GAS2: variants seen among roughly 807,000 people sequenced by gnomAD.
The protein encoded by GAS2 is growth arrest specific 2.
In GAS2, 20 loss-of-function variants were observed where a neutral mutation model predicts 37.5. The ratio of observed to expected loss-of-function variants is 0.53; its 90% CI spans 0.37 to 0.77. The LOEUF is 0.77. Among genes scored for constraint, GAS2 ranks in the 30% least tolerant of loss-of-function variants. The probability of loss-of-function intolerance (pLI) is 0.00; values close to 1 mark genes in which losing one functional copy is unlikely to be tolerated. For missense variants in GAS2, 336 were observed against 373.4 expected, an observed-to-expected ratio of 0.90 and a Z score of 0.82; for synonymous variants, 144 against 132.2, an observed-to-expected ratio of 1.09 and a Z score of -0.61.
chr11:22,807,060 T>G (rs16910190), intron 7 of GAS2, among the ~76,000 whole-genome samples: 22,274 of 152,142 alleles, frequency 0.15, 1,720 homozygotes, highest in Non-Finnish European at 0.16. Flanking sequence ...AAGGCAATAG[T>G]GTATTTATGT....
intron 5 of GAS2, among the ~76,000 whole-genome samples, chr11:22,745,037 A>G (rs1853303642): frequency 1.3e-5 from 2 of 151,112 alleles, no homozygotes; most frequent in Non-Finnish European, 2.9e-5. Flanking sequence ...AGCAATCTAT[A>G]AATTCCACAC....
At chr11:22,689,876 C>G (rs536041972) in intron 3 of GAS2, among the ~76,000 whole-genome samples, 1 of 152,266 alleles carries the variant, frequency 6.6e-6, no homozygotes, top group South Asian at 2.1e-4. Context: ...CTCATTTTGG[C>G]ATTTTGGAGT....
chr11:22,707,091 A>G (rs2134059374), intron 3 of GAS2, among the ~76,000 whole-genome samples: 1 of 152,312 alleles, frequency 6.6e-6, no homozygotes, highest in South Asian at 2.1e-4. Flanking sequence ...GTTTTGAGAT[A>G]TATTGAGACC....
rs567883951 is a variant in GAS2, at chr11:22,708,758, C to T, written c.268-17534C>T. Among the ~76,000 whole-genome samples, 4 of 152,238 alleles carry T rather than the reference C, an allele frequency of 2.6e-5. No homozygotes were observed. In the East Asian group the frequency reaches 7.7e-4, roughly 29 times the overall value. ...AGTCACTGTTCCATTCCTCATAAAGCCTACAGCCTAAAAGGAAAGATAGTT... is the reference window on the plus strand; with the variant it reads ...AGTCACTGTTCCATTCCTCATAAAGTCTACAGCCTAAAAGGAAAGATAGTT... On this transcript the variant is annotated intron_variant, in intron 3 of 7. Coordinates refer to ENST00000454584, the MANE Select transcript of GAS2 (RefSeq NM_001143830.3).
At chr11:22,744,570 T>C (rs150496395) in intron 5 of GAS2, among the ~76,000 whole-genome samples, 2,104 of 152,056 alleles carry the variant, frequency 0.014, 57 homozygotes, top group African/African-American at 0.048. Context: ...TGATAGATAT[T>C]GAAAAAACTT....
In GAS2 at chr11:22,812,703, T is replaced by C. The variant is rs1857243776; in HGVS notation, c.*687T>C. 1 of 152,646 alleles carries C rather than the reference T, an allele frequency of 6.6e-6. No individual in the cohort carries two copies. Among genetic ancestry groups the C allele is most frequent in the Non-Finnish European group, 1.5e-5 (1 of 68,054 alleles). The allele number at this position is 152,646 out of a possible 1,614,324, so 9.5% of individuals were successfully genotyped here. On this transcript the variant is annotated 3_prime_UTR_variant, in exon 8 of 8. Coordinates refer to ENST00000454584, the MANE Select transcript of GAS2 (RefSeq NM_001143830.3). The stretch of plus-strand genomic sequence containing the variant: ...ACATTCCTGAGCACATGGCTGTGTT[T>C]AGAATGATCTAGTGTAATTCATACA...
Position 22,656,023 on chromosome 11 carries a change from T to C in GAS2, c.-20-18827T>C, listed in dbSNP as rs565366433. On this transcript the variant is annotated intron_variant, in intron 1 of 5. Transcript: ENST00000528582. ...TCTCATTTACTAAAAAATAAAAATA[T>C]CTTTATAGGTGGTGTCATGTTGTCT... 3.9e-5 allele frequency among the ~76,000 whole-genome samples: 6 copies of C among 152,298 alleles called. No homozygotes were observed. The South Asian group carries it at 1.2e-3, about 32-fold the overall frequency.
chr11:22,673,319 G>A (rs982310912), intron 1 of GAS2, among the ~76,000 whole-genome samples: 13 of 152,240 alleles, frequency 8.5e-5, no homozygotes, highest in Non-Finnish European at 1.6e-4. Flanking sequence ...AAGGAATACT[G>A]TGTAGAGTTT....
intron 5 of GAS2, among the ~76,000 whole-genome samples, chr11:22,745,656 C>A (rs542919542): frequency 1.3e-5 from 2 of 152,166 alleles, no homozygotes; most frequent in East Asian, 3.9e-4. Flanking sequence ...GAGTAAGAAG[C>A]AACCTACAGA....
chr11:22,749,181 C>G lies in GAS2; in HGVS notation c.535C>G (p.Leu179Val), dbSNP rs2134289419. The change falls in exon 6 of 8, where the codon CTT becomes GTT. Residue 179 changes from leucine (L) to valine (V), a missense_variant. Coordinates refer to ENST00000454584, the MANE Select transcript of GAS2 (RefSeq NM_001143830.3). Reference sequence around the variant, plus strand: ...AAAAGAGATTGAACAAGAAGAAACACTTTCTGCCCCTTCTCCTTCACCTTC... The same window carrying G: ...AAAAGAGATTGAACAAGAAGAAACAGTTTCTGCCCCTTCTCCTTCACCTTC... ...LEKEIEQEET[L>V]SAPSPSPSPS... is the part of the protein sequence containing the mutation. 6.2e-7 allele frequency: 1 copy of G among 1,612,566 alleles called. No individual in the cohort carries two copies.
chr11:22,802,251 T>C (rs930600418), intron 7 of GAS2, among the ~76,000 whole-genome samples: 6 of 151,732 alleles, frequency 4.0e-5, no homozygotes, highest in African/African-American at 9.7e-5. Context: ...AGGTGGGAAT[T>C]GAACAATGAG....
chr11:22,647,181 T>G (rs1388097066), intron 1 of GAS2, among the ~76,000 whole-genome samples: 4 of 150,930 alleles, frequency 2.7e-5, no homozygotes, highest in South Asian at 4.2e-4. Context: ...TGTTTGGTTG[T>G]TTGTTCTTGC....
intron 5 of GAS2, among the ~76,000 whole-genome samples, chr11:22,748,780 G>A (rs1016290454): frequency 6.6e-6 from 1 of 152,050 alleles, no homozygotes; most frequent in Non-Finnish European, 1.5e-5. Context: ...TACAGCACTA[G>A]TATCAGTAAA....
chr11:22,694,412 C>T (rs1231199205), intron 3 of GAS2, among the ~76,000 whole-genome samples: 1 of 152,152 alleles, frequency 6.6e-6, no homozygotes, highest in Non-Finnish European at 1.5e-5. Flanking sequence ...ATAACAGCTC[C>T]TGAGACTTTC....
In GAS2 at chr11:22,717,617, A is replaced by T. The variant is rs181141827; in HGVS notation, c.268-8675A>T. Among the ~76,000 whole-genome samples the T allele has an allele frequency of 3.3e-3, 497 of 152,248 alleles. 2 individuals carry two copies. Among genetic ancestry groups the T allele is most frequent in the African/African-American group, 0.011 (457 of 41,550 alleles). On this transcript the variant is annotated intron_variant, in intron 3 of 7. Coordinates refer to ENST00000454584, the MANE Select transcript of GAS2 (RefSeq NM_001143830.3). ...CAAGAGCAAATGCAACAAAACAAAGATAAATAGATGGGACTTAACTAAAAA... is the reference window on the plus strand; with the variant it reads ...CAAGAGCAAATGCAACAAAACAAAGTTAAATAGATGGGACTTAACTAAAAA...
chr11:22,739,751 T>C (rs1346060518), intron 5 of GAS2, among the ~76,000 whole-genome samples: 2 of 151,972 alleles, frequency 1.3e-5, no homozygotes, highest in Non-Finnish European at 2.9e-5. Flanking sequence ...TTTTTTTAGT[T>C]GACTATCACA....
intron 3 of GAS2, among the ~76,000 whole-genome samples, chr11:22,715,994 C>T (rs988491493): frequency 7.2e-5 from 11 of 152,030 alleles, no homozygotes; most frequent in Admixed American, 3.9e-4. Flanking sequence ...AAACATAATC[C>T]GCCATGATCA....
intron 1 of GAS2, among the ~76,000 whole-genome samples, chr11:22,671,226 T>A (rs1263141972): frequency 6.6e-6 from 1 of 152,126 alleles, no homozygotes. Flanking sequence ...AAAAAATATA[T>A]ACACACACAG....
chr11:22,754,235 T>C (rs937279646), intron 6 of GAS2, among the ~76,000 whole-genome samples: 3 of 152,094 alleles, frequency 2.0e-5, no homozygotes, highest in Non-Finnish European at 4.4e-5. Flanking sequence ...CATGTTCTTA[T>C]ATATCTATTT....
Sources: gnomAD v4.1 joint callset for allele counts (sites outside exome capture counted in the v4.1 genomes callset) on GRCh38, gnomAD v4.1.1 for gene constraint, MANE v1.5 for transcripts, NCBI Gene and HGNC (gene_info 2026-07-23, HGNC 2026-07-21) for gene names.